The following SPOCK3 variants were observed in gnomAD, a reference collection of about 807,000 sequenced individuals.
SPOCK3 encodes the protein testican-3.
A neutral mutation model predicts 56.6 loss-of-function variants in SPOCK3; 30 were observed. The observed-to-expected ratio is 0.53, with a 90% CI of 0.40 to 0.72. The LOEUF (loss-of-function observed/expected upper bound fraction) is 0.72. Among genes scored for constraint, SPOCK3 ranks in the 30% least tolerant of loss-of-function variants. SPOCK3 has a pLI of 0.00. For missense variants in SPOCK3, 527 were observed against 530.0 expected (o/e 0.99, Z 0.06); for synonymous variants, 196 against 183.3 (o/e 1.07, Z -0.56).
intron 2 of SPOCK3, among the ~76,000 whole-genome samples, chr4:167,117,345 G>C (rs972278477): frequency 6.6e-6 from 1 of 152,082 alleles, no homozygotes; most frequent in Non-Finnish European, 1.5e-5. Flanking sequence ...GTTCTGACCT[G>C]CCTACCAATT....
chr4:166,950,899 C>A, intron 4 of SPOCK3, among the ~76,000 whole-genome samples: 1 of 143,208 alleles, frequency 7.0e-6, no homozygotes, highest in African/African-American at 2.8e-5. Flanking sequence ...AGAACAAAGA[C>A]ACAACATACC....
intron 2 of SPOCK3, among the ~76,000 whole-genome samples, chr4:167,089,998 A>G (rs1758562278): frequency 6.6e-6 from 1 of 152,086 alleles, no homozygotes; most frequent in Non-Finnish European, 1.5e-5. Flanking sequence ...CATTGTCTGT[A>G]TGTACAACAA....
intron 6 of SPOCK3, among the ~76,000 whole-genome samples, chr4:166,844,900 T>C (rs1350251381): frequency 6.6e-6 from 1 of 152,236 alleles, no homozygotes; most frequent in Non-Finnish European, 1.5e-5. Flanking sequence ...TATGCTGAAA[T>C]AGCTCTCTGC....
intron 4 of SPOCK3, among the ~76,000 whole-genome samples, chr4:166,987,319 T>C (rs1309105604): frequency 3.3e-5 from 5 of 152,150 alleles, no homozygotes; most frequent in Admixed American, 6.6e-5. Context: ...TTCTTTTCAC[T>C]CAAGTAATTC....
At chr4:166,979,634 A>C (rs1294807890) in intron 4 of SPOCK3, among the ~76,000 whole-genome samples, 1 of 152,038 alleles carries the variant, frequency 6.6e-6, no homozygotes, top group Non-Finnish European at 1.5e-5. Context: ...GATACTCCTT[A>C]TCATCTTCCT....
chr4:167,014,566 G>A (rs1750416699), intron 3 of SPOCK3, among the ~76,000 whole-genome samples: 1 of 152,032 alleles, frequency 6.6e-6, no homozygotes, highest in Non-Finnish European at 1.5e-5. Flanking sequence ...AAGGCAGAAG[G>A]ATTACTTAAG....
At position 166,750,211 on chromosome 4, in the gene SPOCK3, G is replaced by A. The variant is rs1736200239; in HGVS notation, c.931+4297C>T. ...CCAGCTCTGTAAGTCTAGCCTTTAG[G>A]TATTCTTAGAGCACTTAACTGAGAC... is the stretch of plus-strand genomic sequence containing the variant. On this transcript the variant is annotated intron_variant, in intron 8 of 10. Transcript: ENST00000357545. Among the ~76,000 whole-genome samples, 3 of 152,106 alleles carry A rather than the reference G, an allele frequency of 2.0e-5. No homozygotes were observed. In the East Asian group the frequency reaches 5.8e-4, roughly 29 times the overall value.
intron 5 of SPOCK3, among the ~76,000 whole-genome samples, chr4:166,909,862 T>G (rs1274421404): frequency 6.6e-6 from 1 of 152,144 alleles, no homozygotes; most frequent in South Asian, 2.1e-4. Context: ...TTATCTATAT[T>G]CTATTTTCAA....
chr4:167,017,354 T>C (rs139538848), intron 3 of SPOCK3, among the ~76,000 whole-genome samples: 31 of 152,212 alleles, frequency 2.0e-4, no homozygotes, highest in African/African-American at 7.5e-4. Flanking sequence ...GAAATCTTTG[T>C]TTGCACTTTT....
intron 6 of SPOCK3, among the ~76,000 whole-genome samples, chr4:166,860,697 G>C (rs553503948): frequency 1.3e-4 from 19 of 151,092 alleles, no homozygotes; most frequent in African/African-American, 4.6e-4. Flanking sequence ...ATTACTAAGG[G>C]TTAATAAGTA....
chr4:166,972,833 A>G (rs17052698), intron 4 of SPOCK3, among the ~76,000 whole-genome samples: 26,497 of 151,976 alleles, frequency 0.17, 2,539 homozygotes, highest in African/African-American at 0.25. Context: ...TAAAATAACT[A>G]CAGGTGTGAC....
At chr4:167,024,064 C>G (rs915672940) in intron 3 of SPOCK3, among the ~76,000 whole-genome samples, 5 of 151,994 alleles carry the variant, frequency 3.3e-5, no homozygotes, top group Non-Finnish European at 7.4e-5. Context: ...CCCGTGGTTA[C>G]AATTTGCCTG....
intron 2 of SPOCK3, among the ~76,000 whole-genome samples, chr4:167,068,473 C>T (rs1289252722): frequency 6.6e-6 from 1 of 151,392 alleles, no homozygotes; most frequent in Middle Eastern, 3.2e-3. Context: ...TAATTGTCAT[C>T]AATCATTATG....
At chr4:167,139,222 A>C (rs1763342454) in intron 2 of SPOCK3, among the ~76,000 whole-genome samples, 1 of 152,068 alleles carries the variant, frequency 6.6e-6, no homozygotes. Context: ...TGAGCATATA[A>C]ATGTGATATA....
chr4:166,951,695 C>A (rs1397849560), intron 4 of SPOCK3, among the ~76,000 whole-genome samples: 1 of 141,522 alleles, frequency 7.1e-6, no homozygotes, highest in East Asian at 2.0e-4. Flanking sequence ...AAAATACTGG[C>A]AAACTGAATC....
In SPOCK3 at chr4:166,919,206, C is replaced by G. The variant is rs116923403; in HGVS notation, c.351-6463G>C. Among the ~76,000 whole-genome samples the G allele has an allele frequency of 2.0e-3, 303 of 152,190 alleles. 7 individuals carry two copies. In the East Asian group the frequency reaches 0.032, roughly 16 times the overall value. ...ATATGAACTGTGCTTATGAGGCCAA[C>G]AAGTATGATGTAGAAAAGTTACCAA... On this transcript the variant is annotated intron_variant, in intron 4 of 10. Coordinates refer to ENST00000357545, the MANE Select transcript of SPOCK3 (RefSeq NM_001040159.2).
intron 2 of SPOCK3, among the ~76,000 whole-genome samples, chr4:167,127,550 C>T (rs925106817): frequency 6.6e-6 from 1 of 151,972 alleles, no homozygotes; most frequent in African/African-American, 2.4e-5. Context: ...GCCTCAGCCT[C>T]CCAGGTAGCT....
At chr4:166,988,060 C>A (rs1747358229) in intron 4 of SPOCK3, among the ~76,000 whole-genome samples, 1 of 151,876 alleles carries the variant, frequency 6.6e-6, no homozygotes, top group East Asian at 1.9e-4. Context: ...CTAACAGATA[C>A]AGAAAGATTA....
chr4:167,207,226 A>G (rs935311304), intron 2 of SPOCK3, among the ~76,000 whole-genome samples: 14 of 152,104 alleles, frequency 9.2e-5, no homozygotes, highest in Non-Finnish European at 1.9e-4. Context: ...CTGTTTATAT[A>G]ATATTGTGAT....
Sources: allele counts gnomAD v4.1 joint callset (sites outside exome capture counted in the v4.1 genomes callset), GRCh38; gene constraint gnomAD v4.1.1; transcripts MANE v1.5; gene names NCBI Gene and HGNC (gene_info 2026-07-23, HGNC 2026-07-21).